Variants in SNX19 observed in about 807,000 individuals in gnomAD.
The protein encoded by SNX19 is sorting nexin-19.
In SNX19, 60 loss-of-function variants were observed where a neutral mutation model predicts 85.2. That is an observed-to-expected ratio of 0.70 (90% CI 0.57 to 0.87). The LOEUF (loss-of-function observed/expected upper bound fraction) is 0.87, where lower values mean the gene tolerates loss of function less well. Ranked by LOEUF, SNX19 falls within the 40% of genes least tolerant of loss-of-function variation. The probability of loss-of-function intolerance (pLI) is 0.00; values close to 1 mark genes in which losing one functional copy is unlikely to be tolerated. For synonymous variants in SNX19, 520 were observed against 470.0 expected (o/e 1.11, Z -1.38); for missense variants, 1,201 against 1,217.8 (o/e 0.99, Z 0.21).
intron 7 of SNX19, 73 bp from the exon 8 acceptor site, chr11:130,903,457 T>C (rs952123429): frequency 1.3e-6 from 2 of 1,526,632 alleles, no homozygotes; most frequent in African/African-American, 2.8e-5. Flanking sequence ...AAGGTACTGG[T>C]GGCACCTGTG....
At chr11:130,882,616 G>A (rs944480544) in intron 8 of SNX19, among the ~76,000 whole-genome samples, 4 of 152,220 alleles carry the variant, frequency 2.6e-5, no homozygotes, top group Admixed American at 2.0e-4. Flanking sequence ...TATTAGGGCC[G>A]CATCTCCTTT....
chr11:130,902,894 A>T (rs1945352436), intron 8 of SNX19, among the ~76,000 whole-genome samples: 1 of 152,196 alleles, frequency 6.6e-6, no homozygotes, highest in Non-Finnish European at 1.5e-5. Context: ...CACAGTGATG[A>T]CATAATGTCA....
chr11:130,897,585 C>A, intron 8 of SNX19, among the ~76,000 whole-genome samples: 1 of 152,172 alleles, frequency 6.6e-6, no homozygotes, highest in South Asian at 2.1e-4. Context: ...GGTGTCCAGG[C>A]AGGGCGCCGG....
rs1038641390 is a variant in SNX19 at position 130,914,198 on chromosome 11, T to C, written c.1674+68A>G. On this transcript the variant is annotated intron_variant, in intron 1 of 10. Coordinates refer to ENST00000265909, the MANE Select transcript of SNX19 (RefSeq NM_014758.3). ...AACAGCATCTCTCCCCCAAGAACATTTGCTTCATGACTGCTTTCCAAACCC... is the reference window on the plus strand; with the variant it reads ...AACAGCATCTCTCCCCCAAGAACATCTGCTTCATGACTGCTTTCCAAACCC... The C allele has an allele frequency of 2.8e-5, 37 of 1,340,504 alleles. No individual in the cohort carries two copies. In the Admixed American group the frequency reaches 3.3e-4, roughly 12 times the overall value. The allele number at this position is 1,340,504 out of a possible 1,614,324, so 83.0% of individuals were successfully genotyped here.
At chr11:130,895,157 C>G (rs1421653671) in intron 8 of SNX19, 1 of 985,276 alleles carries the variant, frequency 1.0e-6, no homozygotes, top group Non-Finnish European at 1.2e-6. Context: ...GCGCTGCACT[C>G]TTTGGAAAGG....
chr11:130,877,723 ATTT>A lies in SNX19; in HGVS notation c.*696_*698del. 6.6e-6 allele frequency: 1 copy of A among 152,668 alleles called. No homozygotes were observed. Among genetic ancestry groups the A allele is most frequent in the East Asian group, 1.9e-4 (1 of 5,190 alleles). The allele number at this position is 152,668 out of a possible 1,614,324, so 9.5% of individuals were successfully genotyped here. A position where few individuals can be genotyped will look rare whatever the true frequency, so the allele number is the denominator to read the frequency against. On this transcript the variant is annotated 3_prime_UTR_variant, in exon 11 of 11. Coordinates refer to ENST00000265909, the MANE Select transcript of SNX19 (RefSeq NM_014758.3). ...GGAAAGGGTGTGAAGGGTGGGGTGG[ATTT>A]ACCAGAAGCTTTGGCAGTCAGCTTT... is the stretch of plus-strand genomic sequence containing the variant.
At chr11:130,911,872 C>T (rs12420834) in intron 1 of SNX19, 101 bp from the exon 2 acceptor site, 10 of 1,149,326 alleles carry the variant, frequency 8.7e-6, no homozygotes, top group South Asian at 2.7e-5. Context: ...AGCAAGAGTA[C>T]GAAACTAAGA....
intron 2 of SNX19, among the ~76,000 whole-genome samples, chr11:130,911,161 CT>C (rs1206605735): frequency 6.7e-6 from 1 of 150,078 alleles, no homozygotes; most frequent in Non-Finnish European, 1.5e-5. Context: ...CACCATTGCA[CT>C]CCAGCATGGG....
At chr11:130,896,372 G>A (rs1238200237) in intron 8 of SNX19, among the ~76,000 whole-genome samples, 2 of 152,182 alleles carry the variant, frequency 1.3e-5, no homozygotes, top group Non-Finnish European at 2.9e-5. Flanking sequence ...GACAATCTCT[G>A]GCTCAGAAGT....
At chr11:130,909,892 T>G (rs11222387) in intron 4 of SNX19, 126 bp downstream of exon 4, 76,931 of 1,235,852 alleles carry the variant, frequency 0.062, 2,822 homozygotes, top group African/African-American at 0.12. Flanking sequence ...CATGTTCTAT[T>G]GACGGCTCTG....
In SNX19 at chr11:130,869,128, A is replaced by C. The variant is rs1417427466; in HGVS notation, c.*9294T>G. The C allele has an allele frequency of 1.3e-5, 2 of 152,256 alleles. No individual in the cohort carries two copies. Among genetic ancestry groups the C allele is most frequent in the Non-Finnish European group, 2.9e-5 (2 of 68,046 alleles). 9.4% of individuals were successfully genotyped at this position (152,256 alleles called of 1,614,324 possible). ...TCTGCCTCCAAGGGATTAACAGCCC[A>C]GTAGGGAAGACAGACCAACAGGCAA... On this transcript the variant is annotated 3_prime_UTR_variant, in exon 11 of 11. Coordinates refer to ENST00000265909, the MANE Select transcript of SNX19 (RefSeq NM_014758.3).
chr11:130,914,462 G>C lies in SNX19; in HGVS notation c.1478C>G (p.Ser493Cys). Residue 493 changes from serine (S) to cysteine (C), a missense_variant, in exon 1 of 11, where the codon TCC (serine) becomes TGC (cysteine). Transcript: ENST00000265909. ...LEKDLTNDVS[S>C]LDPTLPPVLL... Reference sequence around the variant, plus strand: ...AACTGGTGGCAGAGTAGGATCAAGGGAGCTCACATCATTGGTGAGATCCTT... The same window carrying C: ...AACTGGTGGCAGAGTAGGATCAAGGCAGCTCACATCATTGGTGAGATCCTT... The C allele has an allele frequency of 1.9e-6, 3 of 1,613,864 alleles. No homozygotes were observed. Among genetic ancestry groups the C allele is most frequent in the Non-Finnish European group, 2.5e-6 (3 of 1,179,824 alleles).
chr11:130,894,594 C>T, intron 8 of SNX19: 1 of 977,100 alleles, frequency 1.0e-6, no homozygotes, highest in Non-Finnish European at 1.2e-6. Context: ...GTTTAACCTG[C>T]AGCGCCACCT....
intron 1 of SNX19, among the ~76,000 whole-genome samples, chr11:130,912,783 T>C (rs1478825976): frequency 6.6e-6 from 1 of 152,188 alleles, no homozygotes; most frequent in Admixed American, 6.5e-5. Flanking sequence ...CTCTCAAGCC[T>C]GGAGCATTTG....
rs1943325206 is a variant in SNX19 at position 130,877,443 on chromosome 11, AT to A, written c.*978del. On this transcript the variant is annotated 3_prime_UTR_variant, in exon 11 of 11. Coordinates refer to ENST00000265909, the MANE Select transcript of SNX19 (RefSeq NM_014758.3). ...TTGCTAATCTTATCTGTTCAGAATA[AT>A]AAAAGTTCTCTGTCAAAGACTTAGG... 1 of 152,230 alleles carries A rather than the reference AT, an allele frequency of 6.6e-6. No individual in the cohort carries two copies. Among genetic ancestry groups the A allele is most frequent in the African/African-American group, 2.4e-5 (1 of 41,454 alleles). The allele number at this position is 152,230 out of a possible 1,614,324, so 9.4% of individuals were successfully genotyped here.
intron 8 of SNX19, among the ~76,000 whole-genome samples, chr11:130,887,114 A>C (rs1276893340): frequency 6.6e-6 from 1 of 152,258 alleles, no homozygotes; most frequent in Non-Finnish European, 1.5e-5. Context: ...ATGTACTTCA[A>C]GGGAAGACTT....
rs1334195245 is a variant in SNX19 at position 130,915,387 on chromosome 11, G to C, written c.553C>G (p.Pro185Ala). The stretch of plus-strand genomic sequence containing the variant: ...CAGTAAGCCTCCCAGAGGTGGGAAG[G>C]CTCAACTGGACCATTCTTCCCTGCA... ...ATAGKNGPVEPSHLWEAYCRA... is the reference protein window; with the variant it reads ...ATAGKNGPVEASHLWEAYCRA... The change falls in exon 1 of 11, where the codon CCT becomes GCT. Residue 185 changes from proline to alanine, a missense_variant. Pro to Ala is a conservative substitution (Grantham distance 27, BLOSUM62 -1). Transcript: ENST00000265909. 6.2e-7 allele frequency: 1 copy of C among 1,613,912 alleles called. No individual in the cohort carries two copies. Among genetic ancestry groups the C allele is most frequent in the Non-Finnish European group, 8.5e-7 (1 of 1,180,042 alleles).
intron 8 of SNX19, chr11:130,895,106 C>T: frequency 2.0e-6 from 2 of 985,368 alleles, no homozygotes; most frequent in African/African-American, 3.5e-5. Context: ...AGAGGGCAGG[C>T]TCGGTGGGGC....
At chr11:130,902,688 A>G (rs1336529227) in intron 8 of SNX19, among the ~76,000 whole-genome samples, 2 of 152,236 alleles carry the variant, frequency 1.3e-5, no homozygotes, top group Non-Finnish European at 2.9e-5. Context: ...CAAATCTTTC[A>G]GGAGATCAAA....
Sources: gnomAD v4.1 joint callset for allele counts (sites outside exome capture counted in the v4.1 genomes callset) on GRCh38, gnomAD v4.1.1 for gene constraint, MANE v1.5 for transcripts, NCBI Gene and HGNC (gene_info 2026-07-23, HGNC 2026-07-21) for gene names.